ITGA9: variants seen among roughly 807,000 people sequenced by gnomAD.
ITGA9 encodes integrin subunit alpha 9, also known as integrin alpha-9.
In ITGA9, 56 loss-of-function variants were observed where a neutral mutation model predicts 127.8. The observed-to-expected ratio is 0.44, with a 90% CI of 0.35 to 0.55. ITGA9 has a LOEUF of 0.55. ITGA9 is among the 20% of genes least tolerant of loss of function. The pLI is 0.00. For missense variants in ITGA9, 1,196 were observed against 1,347.1 expected (o/e 0.89, Z 1.76); for synonymous variants, 508 against 514.5 (o/e 0.99, Z 0.17).
intron 14 of ITGA9, among the ~76,000 whole-genome samples, chr3:37,534,878 C>G (rs937901873): frequency 6.6e-6 from 1 of 152,212 alleles, no homozygotes; most frequent in African/African-American, 2.4e-5. Context: ...AACTATTTCT[C>G]ACCACCTCCA....
chr3:37,577,561 A>G (rs765195550), intron 15 of ITGA9, among the ~76,000 whole-genome samples: 8 of 152,254 alleles, frequency 5.3e-5, no homozygotes, highest in Non-Finnish European at 5.9e-5. Flanking sequence ...AGTGGCATAG[A>G]TGATGGCTGG....
chr3:37,743,998 G>A lies in ITGA9; in HGVS notation c.2397G>A (p.Leu799=), dbSNP rs200134402. The change falls in exon 22 of 28, where the codon CTG becomes CTA. Residue 799 remains leucine (L), a synonymous_variant. Coordinates refer to ENST00000264741, the MANE Select transcript of ITGA9 (RefSeq NM_002207.3). ...DAANFIQLDD[L]ECHFQPINIT... The stretch of plus-strand genomic sequence containing the variant: ...CCAACTTCATTCAGCTGGATGACCT[G>A]GAGTGTCACTTTCAGCCCATCAATA... 6.3e-5 allele frequency: 102 copies of A among 1,613,874 alleles called. No individual in the cohort carries two copies. The highest frequency in any genetic ancestry group is 1.0e-4 in the Admixed American group (6 of 60,012).
At chr3:37,818,252 T>G (rs1217239048) in intron 27 of ITGA9, 2 of 41,004 alleles carry the variant, frequency 4.9e-5, no homozygotes, top group Admixed American at 5.5e-4. Context: ...CCATGAAACC[T>G]TTTTTTTTTT....
In ITGA9 at chr3:37,635,585, T is replaced by C. The variant is rs1228150921; in HGVS notation, c.1839+6249T>C. Among the ~76,000 whole-genome samples, 15 of 151,760 alleles carry C rather than the reference T, an allele frequency of 9.9e-5. No individual in the cohort carries two copies. In the East Asian group the frequency reaches 1.5e-3, roughly 16 times the overall value. On this transcript the variant is annotated intron_variant, in intron 16 of 27. Transcript: ENST00000264741. The stretch of plus-strand genomic sequence containing the variant: ...GTTTTTATTTTATTTTATTTTATTT[T>C]ATTTTATTTTTTTCCTAAATTTCTT...
chr3:37,787,559 A>G (rs891111629), intron 26 of ITGA9, among the ~76,000 whole-genome samples: 7 of 152,198 alleles, frequency 4.6e-5, no homozygotes, highest in African/African-American at 1.7e-4. Context: ...CCTCCTTTCC[A>G]TGACTTTGCC....
chr3:37,682,274 C>T (rs923992445), intron 17 of ITGA9, among the ~76,000 whole-genome samples: 2 of 152,236 alleles, frequency 1.3e-5, no homozygotes, highest in South Asian at 4.1e-4. Context: ...TTCCTCCCAT[C>T]GTGCCACTTC....
At chr3:37,623,231 T>C (rs1213454768) in intron 15 of ITGA9, among the ~76,000 whole-genome samples, 5 of 152,240 alleles carry the variant, frequency 3.3e-5, no homozygotes, top group African/African-American at 1.2e-4. Flanking sequence ...GCTGTAGAAT[T>C]GGCAGATGCC....
intron 16 of ITGA9, among the ~76,000 whole-genome samples, chr3:37,644,068 C>G (rs1283476204): frequency 6.6e-6 from 1 of 152,128 alleles, no homozygotes; most frequent in Non-Finnish European, 1.5e-5. Flanking sequence ...AGGAGAATTT[C>G]TAGTCCTGGG....
intron 15 of ITGA9, among the ~76,000 whole-genome samples, chr3:37,570,559 G>A (rs1699590518): frequency 1.3e-5 from 2 of 152,172 alleles, no homozygotes; most frequent in Admixed American, 6.5e-5. Context: ...TCTAATAAAG[G>A]AGTATGTGAG....
rs1395436768 is a variant in ITGA9, at chr3:37,462,745, G to T, written c.186-8262G>T. ...GGCATTTGTGTCTGCTCTTGGCCTT[G>T]CAGATAAAATACCATAATCTACTCT... On this transcript the variant is annotated intron_variant, in intron 1 of 27. Coordinates refer to ENST00000264741, the MANE Select transcript of ITGA9 (RefSeq NM_002207.3). 3.3e-5 allele frequency among the ~76,000 whole-genome samples: 5 copies of T among 152,350 alleles called. No individual in the cohort carries two copies. The East Asian group carries it at 9.6e-4, about 29-fold the overall frequency.
chr3:37,654,346 C>T (rs577263363), intron 17 of ITGA9, among the ~76,000 whole-genome samples: 12 of 152,268 alleles, frequency 7.9e-5, no homozygotes, highest in African/African-American at 1.7e-4. Flanking sequence ...GGTTTCCTCC[C>T]GCACTGCATG....
At chr3:37,586,977 G>A (rs1457048095) in intron 15 of ITGA9, among the ~76,000 whole-genome samples, 1 of 152,202 alleles carries the variant, frequency 6.6e-6, no homozygotes, top group Non-Finnish European at 1.5e-5. Flanking sequence ...GGACTTGGAG[G>A]GATGAGAGCT....
At chr3:37,807,705 C>T (rs1697315172) in intron 27 of ITGA9, 1 of 152,320 alleles carries the variant, frequency 6.6e-6, no homozygotes, top group African/African-American at 2.4e-5. Flanking sequence ...TATGATCATA[C>T]CACTGCACCA....
intron 23 of ITGA9, among the ~76,000 whole-genome samples, chr3:37,758,279 C>T (rs960552021): frequency 8.6e-5 from 11 of 128,606 alleles, no homozygotes; most frequent in Admixed American, 1.9e-4. Flanking sequence ...GCCGAGATTG[C>T]GCCACTGCAG....
intron 1 of ITGA9, among the ~76,000 whole-genome samples, chr3:37,470,569 A>G (rs1698419988): frequency 6.6e-6 from 1 of 152,200 alleles, no homozygotes; most frequent in South Asian, 2.1e-4. Context: ...AGGAGTTTTT[A>G]AAATAGATTT....
At chr3:37,654,382 G>A (rs1032933746) in intron 17 of ITGA9, among the ~76,000 whole-genome samples, 6 of 152,312 alleles carry the variant, frequency 3.9e-5, no homozygotes, top group South Asian at 2.1e-4. Context: ...AAGGTGAACC[G>A]TACAGCGGCC....
At chr3:37,606,301 G>C (rs1314301645) in intron 15 of ITGA9, among the ~76,000 whole-genome samples, 1 of 152,160 alleles carries the variant, frequency 6.6e-6, no homozygotes, top group East Asian at 1.9e-4. Flanking sequence ...GAGACCAACT[G>C]AAAAATGTTC....
At chr3:37,794,316 C>G (rs1348231051) in intron 26 of ITGA9, among the ~76,000 whole-genome samples, 1 of 152,176 alleles carries the variant, frequency 6.6e-6, no homozygotes, top group Non-Finnish European at 1.5e-5. Flanking sequence ...CTCCCTTGAC[C>G]CCTTACCCCT....
At position 37,523,516 on chromosome 3, in the gene ITGA9, T is replaced by A; in HGVS notation, c.1237-5T>A. The A allele has an allele frequency of 6.2e-7, 1 of 1,612,586 alleles. No homozygotes were observed. The highest frequency in any genetic ancestry group is 8.5e-7 in the Non-Finnish European group (1 of 1,178,596). ...GTGACTCCATTTCCCTATTATCTGT[T>A]TCAGAAACTGTCTGGGCAGAAGATA... On this transcript the variant is annotated splice_region_variant and splice_polypyrimidine_tract_variant and intron_variant, in intron 11 of 27. Coordinates refer to ENST00000264741, the MANE Select transcript of ITGA9 (RefSeq NM_002207.3).
Sources: allele counts gnomAD v4.1 joint callset (sites outside exome capture counted in the v4.1 genomes callset), GRCh38; gene constraint gnomAD v4.1.1; transcripts MANE v1.5; gene names NCBI Gene and HGNC (gene_info 2026-07-23, HGNC 2026-07-21).